Variants in MED12L observed in about 807,000 individuals in gnomAD.
MED12L encodes the protein mediator of RNA polymerase II transcription subunit 12-like protein.
A neutral mutation model predicts 281.3 loss-of-function variants in MED12L; 60 were observed. The ratio of observed to expected loss-of-function variants is 0.21; its 90% CI spans 0.17 to 0.26. The LOEUF (loss-of-function observed/expected upper bound fraction) is 0.26, where lower values mean the gene tolerates loss of function less well. MED12L is among the 10% of genes least tolerant of loss of function. The pLI, the probability that MED12L is intolerant of heterozygous loss-of-function variation, is 1.00. For missense variants in MED12L, 2,146 were observed against 2,680.9 expected, an observed-to-expected ratio of 0.80 and a Z score of 4.41; for synonymous variants, 974 against 987.2, an observed-to-expected ratio of 0.99 and a Z score of 0.25.
At chr3:151,110,426 C>A (rs1407744754) in intron 2 of MED12L, among the ~76,000 whole-genome samples, 4 of 152,180 alleles carry the variant, frequency 2.6e-5, no homozygotes, top group Non-Finnish European at 1.5e-5. Flanking sequence ...TGGTGCATTA[C>A]TGGAGTTTGA....
intron 16 of MED12L, among the ~76,000 whole-genome samples, chr3:151,243,066 A>C (rs1241376893): frequency 6.6e-6 from 1 of 150,868 alleles, no homozygotes; most frequent in African/African-American, 2.4e-5. Flanking sequence ...AGTTTAGAGA[A>C]AAAAGAATAA....
At chr3:151,141,174 TTTTGTTTTTTTTG>T (rs1716894517) in intron 5 of MED12L, among the ~76,000 whole-genome samples, 4 of 122,766 alleles carry the variant, frequency 3.3e-5, no homozygotes, top group African/African-American at 1.6e-4. Context: ...GCGTTTTTTT[TTTTGTTTTTTTTG>T]TTTTTTTTTT....
At chr3:151,389,257 A>G (rs1713862654) in intron 37 of MED12L, among the ~76,000 whole-genome samples, 1 of 151,896 alleles carries the variant, frequency 6.6e-6, no homozygotes, top group African/African-American at 2.4e-5. Flanking sequence ...AAGCCCTGAA[A>G]CCAATCCTGC....
intron 5 of MED12L, among the ~76,000 whole-genome samples, chr3:151,152,311 A>G (rs772778372): frequency 1.3e-5 from 2 of 152,032 alleles, no homozygotes; most frequent in Non-Finnish European, 2.9e-5. Flanking sequence ...AGTGTTGCCC[A>G]GGCTGGCCTC....
intron 5 of MED12L, among the ~76,000 whole-genome samples, chr3:151,143,812 G>A (rs1717381223): frequency 6.6e-6 from 1 of 152,190 alleles, no homozygotes. Context: ...CTGTCCTGGG[G>A]CAGTAAAACT....
rs1421265166 is a variant in MED12L, at chr3:151,116,021, GC to G, written c.100-315del. Among the ~76,000 whole-genome samples, 3 of 142,162 alleles carry G rather than the reference GC, an allele frequency of 2.1e-5. No individual in the cohort carries two copies. The East Asian group carries it at 6.3e-4, about 30-fold the overall frequency. The allele number at this position is 142,162 out of a possible 152,430, so 93.3% of individuals were successfully genotyped here. A position where few individuals can be genotyped will look rare whatever the true frequency, so the allele number is the denominator to read the frequency against. Reference sequence around the variant, plus strand: ...GGAGGTTGCAGTAAGCCGAGATTGCGCCGCTGCACTCCAGGCTGGGCGACAG... The same window carrying G: ...GGAGGTTGCAGTAAGCCGAGATTGCGCGCTGCACTCCAGGCTGGGCGACAG... On this transcript the variant is annotated intron_variant, in intron 2 of 44. Transcript: ENST00000687756.
At chr3:151,323,016 T>C (rs562391652) in intron 16 of MED12L, among the ~76,000 whole-genome samples, 1 of 152,212 alleles carries the variant, frequency 6.6e-6, no homozygotes, top group East Asian at 1.9e-4. Context: ...ACTTCTGTGA[T>C]GATGACCTAG....
chr3:151,120,464 T>G (rs1254485889), intron 3 of MED12L, among the ~76,000 whole-genome samples: 1 of 152,234 alleles, frequency 6.6e-6, no homozygotes, highest in Non-Finnish European at 1.5e-5. Context: ...AGCAACATTT[T>G]GCAAAAAATG....
At chr3:151,191,841 G>A (rs1172438242) in intron 14 of MED12L, among the ~76,000 whole-genome samples, 1 of 152,082 alleles carries the variant, frequency 6.6e-6, no homozygotes, top group Non-Finnish European at 1.5e-5. Flanking sequence ...GGGAGGTGGA[G>A]GTTGCAGTGA....
chr3:151,248,392 A>T (rs893999422), intron 16 of MED12L, among the ~76,000 whole-genome samples: 2 of 152,064 alleles, frequency 1.3e-5, no homozygotes, highest in African/African-American at 4.8e-5. Context: ...TGGTTTCATT[A>T]TTTGTAGAGT....
At chr3:151,297,882 A>G (rs550109341) in intron 16 of MED12L, among the ~76,000 whole-genome samples, 2 of 152,256 alleles carry the variant, frequency 1.3e-5, no homozygotes, top group African/African-American at 4.8e-5. Flanking sequence ...ACATATATAT[A>G]TATTATTACT....
intron 2 of MED12L, among the ~76,000 whole-genome samples, chr3:151,095,914 A>T (rs1300830697): frequency 6.6e-6 from 1 of 152,154 alleles, no homozygotes; most frequent in East Asian, 1.9e-4. Context: ...TTTCCCTTGC[A>T]TGTTGAGATA....
intron 44 of MED12L, among the ~76,000 whole-genome samples, chr3:151,431,317 T>A (rs1330315192): frequency 6.6e-6 from 1 of 152,142 alleles, no homozygotes; most frequent in African/African-American, 2.4e-5. Flanking sequence ...TGCTGAGACA[T>A]AAGGAAACAG....
At chr3:151,295,918 A>G (rs948540876) in intron 16 of MED12L, among the ~76,000 whole-genome samples, 1 of 152,226 alleles carries the variant, frequency 6.6e-6, no homozygotes, top group African/African-American at 2.4e-5. Flanking sequence ...CCTTAGTAGA[A>G]TTTAAGTTGC....
At chr3:151,203,110 C>A (rs1725874001) in intron 16 of MED12L, 2 of 152,128 alleles carry the variant, frequency 1.3e-5, no homozygotes, top group South Asian at 4.1e-4. Context: ...ATACCTGGGG[C>A]TATCTTCTGT....
intron 8 of MED12L, among the ~76,000 whole-genome samples, chr3:151,161,480 A>G (rs1719974736): frequency 6.6e-6 from 1 of 152,132 alleles, no homozygotes; most frequent in Non-Finnish European, 1.5e-5. Context: ...GCAGAGGGGA[A>G]GTCCATGGAG....
intron 21 of MED12L, 117 bp downstream of exon 21, chr3:151,360,722 G>T: frequency 2.1e-6 from 2 of 956,522 alleles, no homozygotes; most frequent in East Asian, 2.5e-5. Flanking sequence ...TATCTATTAG[G>T]CAGTAATTTT....
At chr3:151,246,946 A>G (rs1371938297) in intron 16 of MED12L, among the ~76,000 whole-genome samples, 1 of 152,204 alleles carries the variant, frequency 6.6e-6, no homozygotes, top group African/African-American at 2.4e-5. Context: ...AACCCCATCA[A>G]AAAGTGGGCA....
intron 16 of MED12L, among the ~76,000 whole-genome samples, chr3:151,292,697 C>T (rs543932542): frequency 8.6e-4 from 130 of 151,664 alleles, no homozygotes; most frequent in Non-Finnish European, 1.1e-3. Context: ...CTCAGCCTTC[C>T]GAGTAGATGG....
Sources: allele counts gnomAD v4.1 joint callset (sites outside exome capture counted in the v4.1 genomes callset), GRCh38; gene constraint gnomAD v4.1.1; transcripts MANE v1.5; gene names NCBI Gene and HGNC (gene_info 2026-07-23, HGNC 2026-07-21).